NOTCH2NLR: variants seen among roughly 807,000 people sequenced by gnomAD.
The protein encoded by NOTCH2NLR is notch 2 N-terminal like R, also known as notch 2 N-terminal like R (pseudogene).
Under a neutral mutation model 35.6 loss-of-function variants are expected in NOTCH2NLR, and 33 were observed. The ratio of observed to expected loss-of-function variants is 0.93; its 90% CI spans 0.70 to 1.24. NOTCH2NLR has a LOEUF of 1.24. Ranked by LOEUF, NOTCH2NLR falls within the 50% of genes most tolerant of loss-of-function variation. The probability of loss-of-function intolerance (pLI) is 0.00; values close to 1 mark genes in which losing one functional copy is unlikely to be tolerated. For synonymous variants in NOTCH2NLR, 103 were observed against 141.0 expected (o/e 0.73, Z 1.91); for missense variants, 276 against 362.2 (o/e 0.76, Z 1.93).
chr1:120,756,419 G>A (rs1321194037), intron 1 of NOTCH2NLR, among the ~76,000 whole-genome samples: 2 of 117,760 alleles, frequency 1.7e-5, no homozygotes, highest in Non-Finnish European at 3.3e-5. Context: ...TGTATTTTAG[G>A]AGCCTCAGAC....
intron 1 of NOTCH2NLR, among the ~76,000 whole-genome samples, chr1:120,737,766 G>A (rs1477597800): frequency 8.0e-6 from 1 of 124,252 alleles, no homozygotes; most frequent in Non-Finnish European, 1.6e-5. Context: ...GACTGGTGGA[G>A]TTACTTTCTC....
chr1:120,747,752 C>G lies in NOTCH2NLR; in HGVS notation c.74-15876C>G, dbSNP rs1258474391. Among the ~76,000 whole-genome samples the G allele has an allele frequency of 6.6e-5, 2 of 30,112 alleles. 1 individual carries two copies. Among genetic ancestry groups the G allele is most frequent in the Non-Finnish European group, 1.2e-4 (2 of 16,940 alleles). The allele number at this position is 30,112 out of a possible 152,430, so 19.8% of individuals were successfully genotyped here. A position where few individuals can be genotyped will look rare whatever the true frequency, so the allele number is the denominator to read the frequency against. On this transcript the variant is annotated intron_variant, in intron 1 of 4. Coordinates refer to ENST00000624419, the Ensembl canonical transcript of NOTCH2NLR. ...GATACGCACACCTAATTTTGCAGACCACTGGTCCAGAATGTAAATTGAAGA... is the reference window on the plus strand; with the variant it reads ...GATACGCACACCTAATTTTGCAGACGACTGGTCCAGAATGTAAATTGAAGA...
At chr1:120,778,564 C>T (rs1227396454) in intron 2 of NOTCH2NLR, among the ~76,000 whole-genome samples, 1 of 36,136 alleles carries the variant, frequency 2.8e-5, no homozygotes, top group Non-Finnish European at 4.4e-5. Flanking sequence ...TGGGATTTTG[C>T]TTTGTTGTTG....
At chr1:120,769,322 CT>C (rs1651234209) in intron 2 of NOTCH2NLR, among the ~76,000 whole-genome samples, 1 of 151,238 alleles carries the variant, frequency 6.6e-6, no homozygotes, top group Non-Finnish European at 1.5e-5. Flanking sequence ...TCCCCTTTTC[CT>C]TCACCTTCTT....
chr1:120,785,017 C>A lies in NOTCH2NLR; in HGVS notation c.199C>A (p.Pro67Thr), dbSNP rs1371182279. 383 of 1,423,140 alleles carry A rather than the reference C, an allele frequency of 2.7e-4. 65 individuals are homozygous for A. In the East Asian group the frequency reaches 4.4e-3, roughly 16 times the overall value. The allele number at this position is 1,423,140 out of a possible 1,614,324, so 88.2% of individuals were successfully genotyped here. A position where few individuals can be genotyped will look rare whatever the true frequency, so the allele number is the denominator to read the frequency against. The change falls in exon 3 of 5, where the codon CCC becomes ACC. Residue 67 changes from proline to threonine, a missense_variant. Pro to Thr is a conservative substitution (Grantham distance 38, BLOSUM62 -1). Coordinates refer to ENST00000624419, the Ensembl canonical transcript of NOTCH2NLR. ...GGGGGAATATTGTCAACATCGAGAC[C>A]CCTGTGAGAAGAACCGCTGCCAGAA...
intron 3 of NOTCH2NLR, among the ~76,000 whole-genome samples, chr1:120,790,110 G>T (rs1651467794): frequency 1.1e-5 from 1 of 93,622 alleles, no homozygotes; most frequent in African/African-American, 7.7e-5. Flanking sequence ...CCACCTCCCG[G>T]GTTCACGCCA....
intron 2 of NOTCH2NLR, among the ~76,000 whole-genome samples, chr1:120,781,591 T>G: frequency 2.5e-5 from 1 of 40,732 alleles, no homozygotes; most frequent in Non-Finnish European, 4.0e-5. Flanking sequence ...TGAGAGGGAG[T>G]CTCGCTCTGT....
At position 120,790,226 on chromosome 1, in the gene NOTCH2NLR, G is replaced by C. The variant is rs1339667895; in HGVS notation, c.416-2935G>C. 2.3e-4 allele frequency among the ~76,000 whole-genome samples: 24 copies of C among 105,520 alleles called. 2 individuals are homozygous for C. The highest frequency in any genetic ancestry group is 5.5e-4 in the South Asian group (2 of 3,612). 69.2% of individuals were successfully genotyped at this position (105,520 alleles called of 152,430 possible). On this transcript the variant is annotated intron_variant, in intron 3 of 4. Coordinates refer to ENST00000624419, the Ensembl canonical transcript of NOTCH2NLR. ...AGATGGGCTTTCACCTTGTTAGCCA[G>C]AATGGTCTGGATCGCCTGACCTCAT...
rs1363451690 is a variant in NOTCH2NLR at position 120,789,429 on chromosome 1, A to C, written c.416-3732A>C. ...AGTTCCATATGGCTGGGGAGGCCTC[A>C]GAATTATGGTGGGAGGCAAAAGGCA... On this transcript the variant is annotated intron_variant, in intron 3 of 4. Coordinates refer to ENST00000624419, the Ensembl canonical transcript of NOTCH2NLR. Among the ~76,000 whole-genome samples the C allele has an allele frequency of 9.1e-3, 977 of 107,318 alleles. 191 individuals are homozygous for C. The highest frequency in any genetic ancestry group is 0.027 in the Admixed American group (299 of 10,904). The allele number at this position is 107,318 out of a possible 152,430, so 70.4% of individuals were successfully genotyped here.
exon 4 of NOTCH2NLR, chr1:120,793,163 A>G: frequency 7.1e-7 from 1 of 1,409,066 alleles, no homozygotes; most frequent in Non-Finnish European, 9.5e-7. Context: ...TCCTTTAGGT[A>G]AGGAGTGCCA....
At chr1:120,752,540 A>G (rs1464556745) in intron 1 of NOTCH2NLR, among the ~76,000 whole-genome samples, 1 of 14,422 alleles carries the variant, frequency 6.9e-5, no homozygotes, top group Non-Finnish European at 1.2e-4. Context: ...ATATATATAT[A>G]TATATATATA....
rs1168476687 is a variant in NOTCH2NLR, at chr1:120,767,912, T to C, written c.155+4203T>C. 4.1e-3 allele frequency among the ~76,000 whole-genome samples: 483 copies of C among 117,832 alleles called. 113 individuals are homozygous for C. Among genetic ancestry groups the C allele is most frequent in the Non-Finnish European group, 6.0e-3 (366 of 61,238 alleles). 77.3% of individuals were successfully genotyped at this position (117,832 alleles called of 152,430 possible). ...ATTTAAAATCTTTGTCTGCTGGTTC[T>C]TAACAACTGGGTTGTCTATGGATGT... On this transcript the variant is annotated intron_variant, in intron 2 of 4. Transcript: ENST00000624419.
At chr1:120,793,783 A>C in exon 5 of NOTCH2NLR, 1 of 1,028,078 alleles carries the variant, frequency 9.7e-7, no homozygotes, top group Non-Finnish European at 1.4e-6. Flanking sequence ...GCTCTGGGAA[A>C]GAGACAGGCA....
In NOTCH2NLR at chr1:120,724,291, G is replaced by A. The variant is rs1488328877; in HGVS notation, c.73+41G>A. ...AGGGGCGCTGTCCGCGGCGCCCGGG[G>A]CTGCCACCTGGGGCGACCCTTCTCC... On this transcript the variant is annotated intron_variant, in intron 1 of 4. Coordinates refer to ENST00000624419, the Ensembl canonical transcript of NOTCH2NLR. 19 of 1,370,990 alleles carry A rather than the reference G, an allele frequency of 1.4e-5. 3 individuals carry two copies. Among genetic ancestry groups the A allele is most frequent in the Non-Finnish European group, 1.7e-5 (18 of 1,051,552 alleles). The allele number at this position is 1,370,990 out of a possible 1,614,324, so 84.9% of individuals were successfully genotyped here. A position where few individuals can be genotyped will look rare whatever the true frequency, so the allele number is the denominator to read the frequency against.
intron 2 of NOTCH2NLR, among the ~76,000 whole-genome samples, chr1:120,784,409 G>A (rs1439893820): frequency 8.6e-6 from 1 of 116,232 alleles, no homozygotes; most frequent in Non-Finnish European, 1.6e-5. Context: ...ATTTTCTGCT[G>A]CTCCAGATAT....
In NOTCH2NLR at chr1:120,765,741, C is replaced by T. The variant is rs1158026492; in HGVS notation, c.155+2032C>T. On this transcript the variant is annotated intron_variant, in intron 2 of 4. Transcript: ENST00000624419. ...ACTTGGAACCAACCCAAATGCCCAACGGTGATAGACTGGATAAAGAAAATG... is the reference window on the plus strand; with the variant it reads ...ACTTGGAACCAACCCAAATGCCCAATGGTGATAGACTGGATAAAGAAAATG... Among the ~76,000 whole-genome samples the T allele has an allele frequency of 9.2e-5, 11 of 120,116 alleles. 1 individual carries two copies. Among genetic ancestry groups the T allele is most frequent in the East Asian group, 6.2e-4 (3 of 4,832 alleles). 78.8% of individuals were successfully genotyped at this position (120,116 alleles called of 152,430 possible).
Position 120,768,671 on chromosome 1 carries a change from T to C in NOTCH2NLR, c.155+4962T>C, listed in dbSNP as rs1380948565. On this transcript the variant is annotated intron_variant, in intron 2 of 4. Coordinates refer to ENST00000624419, the Ensembl canonical transcript of NOTCH2NLR. ...AGTTTGCTTCGCTTTTTCTGAGGCT[T>C]ATATCCCTTCTAGTTTATGCCTGCT... Among the ~76,000 whole-genome samples the C allele has an allele frequency of 2.0e-5, 2 of 102,118 alleles. 1 individual carries two copies. The highest frequency in any genetic ancestry group is 1.3e-4 in the African/African-American group (2 of 15,790). The allele number at this position is 102,118 out of a possible 152,430, so 67.0% of individuals were successfully genotyped here.
At chr1:120,737,391 A>G (rs2101358812) in intron 1 of NOTCH2NLR, among the ~76,000 whole-genome samples, 1 of 12,056 alleles carries the variant, frequency 8.3e-5, no homozygotes, top group South Asian at 2.0e-3. Context: ...CTTGTTTTAA[A>G]GAGAGAAAAC....
chr1:120,784,740 G>A (rs1415817356), intron 2 of NOTCH2NLR, among the ~76,000 whole-genome samples: 1 of 117,854 alleles, frequency 8.5e-6, no homozygotes, highest in Admixed American at 8.1e-5. Flanking sequence ...CTATTAGAAT[G>A]TAAACTCCAA....
Sources: allele counts gnomAD v4.1 joint callset (sites outside exome capture counted in the v4.1 genomes callset), GRCh38; gene constraint gnomAD v4.1.1; transcripts MANE v1.5; gene names NCBI Gene and HGNC (gene_info 2026-07-23, HGNC 2026-07-21).